The following FMN2 variants were observed in gnomAD, a reference collection of about 807,000 sequenced individuals.
The protein encoded by FMN2 is formin-2.
A neutral mutation model predicts 142.3 loss-of-function variants in FMN2; 51 were observed. The ratio of observed to expected loss-of-function variants is 0.36; its 90% confidence interval spans 0.29 to 0.45. The LOEUF (loss-of-function observed/expected upper bound fraction) is 0.45. FMN2 is among the 20% of genes least tolerant of loss of function. The pLI, the probability that FMN2 is intolerant of heterozygous loss-of-function variation, is 1.00. For missense variants in FMN2, 1,936 were observed against 2,122.8 expected, an observed-to-expected ratio of 0.91 and a Z score of 1.73; for synonymous variants, 882 against 869.8, an observed-to-expected ratio of 1.01 and a Z score of -0.25.
intron 2 of FMN2, among the ~76,000 whole-genome samples, chr1:240,162,830 G>A (rs548103541): frequency 1.3e-5 from 2 of 152,002 alleles, no homozygotes; most frequent in Non-Finnish European, 2.9e-5. Context: ...TCTTTAGATG[G>A]ATATTTAACA....
chr1:240,368,409 GT>G (rs1166041751), intron 14 of FMN2, among the ~76,000 whole-genome samples: 1 of 152,084 alleles, frequency 6.6e-6, no homozygotes, highest in Admixed American at 6.5e-5. Context: ...TGCCCAAAAA[GT>G]TTAAAATTTC....
chr1:240,248,259 T>C (rs1668147186), intron 6 of FMN2, among the ~76,000 whole-genome samples: 1 of 152,030 alleles, frequency 6.6e-6, no homozygotes, highest in Non-Finnish European at 1.5e-5. Context: ...TTTACCTGGC[T>C]TATCTCACTT....
chr1:240,250,370 C>G (rs1434950127), intron 6 of FMN2, among the ~76,000 whole-genome samples: 1 of 151,982 alleles, frequency 6.6e-6, no homozygotes, highest in Admixed American at 6.6e-5. Flanking sequence ...GTTTTTCACT[C>G]TTGATTTGAT....
chr1:240,184,517 G>GATTT (rs561666205), intron 3 of FMN2, among the ~76,000 whole-genome samples: 5 of 119,786 alleles, frequency 4.2e-5, no homozygotes, highest in East Asian at 2.5e-4. Flanking sequence ...CGCCCGGCCT[G>GATTT]TTTTTTTTTT....
At position 240,190,717 on chromosome 1, in the gene FMN2, T is replaced by A. The variant is rs1665664957; in HGVS notation, c.1986+2455T>A. 2.6e-5 allele frequency among the ~76,000 whole-genome samples: 4 copies of A among 152,320 alleles called. No individual in the cohort carries two copies. In the South Asian group the frequency reaches 8.3e-4, roughly 32 times the overall value. On this transcript the variant is annotated intron_variant, in intron 4 of 17. Coordinates refer to ENST00000319653, the MANE Select transcript of FMN2 (RefSeq NM_020066.5). ...TACTTTTACATGGGTAATCACCCGA[T>A]GCCAAAATCGTCAGATGAATGAGAT... is the stretch of plus-strand genomic sequence containing the variant.
At chr1:240,251,973 A>C (rs1362279105) in intron 6 of FMN2, among the ~76,000 whole-genome samples, 1 of 152,194 alleles carries the variant, frequency 6.6e-6, no homozygotes, top group African/African-American at 2.4e-5. Flanking sequence ...CAGTGACGCT[A>C]TCTCGGCTCA....
At chr1:240,310,176 T>G (rs966186167) in intron 8 of FMN2, among the ~76,000 whole-genome samples, 2 of 152,222 alleles carry the variant, frequency 1.3e-5, no homozygotes, top group Non-Finnish European at 2.9e-5. Flanking sequence ...AAATTAAATA[T>G]ATGGGTAATA....
chr1:240,471,463 C>T (rs1676805796), intron 16 of FMN2, among the ~76,000 whole-genome samples: 1 of 150,800 alleles, frequency 6.6e-6, no homozygotes, highest in Non-Finnish European at 1.5e-5. Context: ...GCAAGCTCAG[C>T]CTCTTGGGTT....
chr1:240,165,921 CT>C (rs1175739446), intron 2 of FMN2, among the ~76,000 whole-genome samples: 11 of 152,074 alleles, frequency 7.2e-5, no homozygotes, highest in Middle Eastern at 3.4e-3. Flanking sequence ...CCTCCAGTCC[CT>C]TTCCCCGGAT....
chr1:240,266,020 C>CT (rs10680119), intron 7 of FMN2, among the ~76,000 whole-genome samples: 33,859 of 136,258 alleles, frequency 0.25, 4,331 homozygotes, highest in Middle Eastern at 0.3. Flanking sequence ...CTGTTACTTC[C>CT]TTTTTTTTTT....
intron 14 of FMN2, among the ~76,000 whole-genome samples, chr1:240,391,106 C>A (rs923735533): frequency 2.0e-5 from 3 of 152,044 alleles, no homozygotes; most frequent in Non-Finnish European, 4.4e-5. Flanking sequence ...AAAGTAAAAT[C>A]ATAGGATATT....
chr1:240,372,446 A>AT (rs559314297), intron 14 of FMN2, among the ~76,000 whole-genome samples: 255 of 151,912 alleles, frequency 1.7e-3, no homozygotes, highest in African/African-American at 5.6e-3. Context: ...AGTAGCAAGT[A>AT]TTTTTCCTCC....
chr1:240,233,757 A>G (rs1414976460), intron 6 of FMN2, among the ~76,000 whole-genome samples: 2 of 152,198 alleles, frequency 1.3e-5, no homozygotes, highest in Non-Finnish European at 2.9e-5. Context: ...AAACCAGCCT[A>G]TGATATTCCT....
intron 13 of FMN2, among the ~76,000 whole-genome samples, chr1:240,335,167 A>C (rs16839829): frequency 0.029 from 4,369 of 152,234 alleles, 191 homozygotes; most frequent in African/African-American, 0.099. Context: ...TATGTATTCA[A>C]CAACATTTAT....
In FMN2 at chr1:240,473,905, CTTTT is replaced by C. The variant is rs200247554; in HGVS notation, c.5143-216_5143-213del. On this transcript the variant is annotated intron_variant, in intron 17 of 17. Coordinates refer to ENST00000319653, the MANE Select transcript of FMN2 (RefSeq NM_020066.5). The surrounding 1 kb of genome is among the most constrained non-coding windows in gnomAD (Gnocchi z 4.3). ...TTGGTTAGAAGTTAAATTTTTAAAA[CTTTT>C]TTTTTTCTCAAAAGTATTTGGCGAT... Among the ~76,000 whole-genome samples the C allele has an allele frequency of 6.7e-6, 1 of 149,938 alleles. No homozygotes were observed.
chr1:240,294,833 T>G lies in FMN2; in HGVS notation c.4165T>G (p.Leu1389Val). The G allele has an allele frequency of 6.2e-7, 1 of 1,614,022 alleles. No homozygotes were observed. The highest frequency in any genetic ancestry group is 1.3e-5 in the African/African-American group (1 of 75,038). The change falls in exon 8 of 18, where the codon TTG (leucine) becomes GTG (valine). Residue 1389 changes from leucine to valine, a missense_variant. By Grantham distance (32) the Leu-to-Val change is conservative. Around this residue, in one of 8 missense-constraint regions of FMN2, gnomAD observed 322 missense variants for 401.6 expected, o/e 0.80. Coordinates refer to ENST00000319653, the MANE Select transcript of FMN2 (RefSeq NM_020066.5). ...MKDIQHAVVN[L>V]DNSVVDLETL... is the part of the protein sequence containing the mutation. Reference sequence around the variant, plus strand: ...TTTTTTTTCCACAGCTGTTGTGAACTTGGATAATTCTGTGGTTGACCTGGA... The same window carrying G: ...TTTTTTTTCCACAGCTGTTGTGAACGTGGATAATTCTGTGGTTGACCTGGA...
At chr1:240,423,487 T>A (rs551473859) in intron 15 of FMN2, among the ~76,000 whole-genome samples, 1 of 152,334 alleles carries the variant, frequency 6.6e-6, no homozygotes, top group South Asian at 2.1e-4. Flanking sequence ...GCCTCGTCTG[T>A]CATACTGAGA....
intron 14 of FMN2, among the ~76,000 whole-genome samples, chr1:240,374,125 T>G (rs1005085737): frequency 6.6e-6 from 1 of 152,204 alleles, no homozygotes; most frequent in African/African-American, 2.4e-5. Context: ...TTCTGAGTAG[T>G]AGGTCTCAGC....
intron 6 of FMN2, among the ~76,000 whole-genome samples, chr1:240,228,303 C>CAAAAAAAAAAA (rs577421634): frequency 2.8e-3 from 134 of 47,724 alleles, no homozygotes; most frequent in Non-Finnish European, 4.4e-3. Flanking sequence ...AACTCTGTCT[C>CAAAAAAAAAAA]AAAAAAAAAA....
Sources: allele counts gnomAD v4.1 joint callset (sites outside exome capture counted in the v4.1 genomes callset), GRCh38; gene constraint gnomAD v4.1.1; regional missense constraint gnomAD v4.1.1; non-coding constraint Gnocchi (gnomAD v3.1); transcripts MANE v1.5; gene names NCBI Gene and HGNC (gene_info 2026-07-23, HGNC 2026-07-21).